The following MAGI1 variants were observed in gnomAD, a reference collection of about 807,000 sequenced individuals.
MAGI1 encodes membrane associated guanylate kinase, WW and PDZ domain containing 1.
A neutral mutation model predicts 139.9 loss-of-function variants in MAGI1; 58 were observed. The ratio of observed to expected loss-of-function variants is 0.41; its 90% CI spans 0.34 to 0.52. The LOEUF (loss-of-function observed/expected upper bound fraction) is 0.52. MAGI1 is among the 20% of genes least tolerant of loss of function. MAGI1 has a pLI of 0.12. For synonymous variants in MAGI1, 812 were observed against 737.9 expected (o/e 1.10, Z -1.63); for missense variants, 1,874 against 1,901.6 (o/e 0.99, Z 0.27).
intron 1 of MAGI1, among the ~76,000 whole-genome samples, chr3:65,798,711 G>T (rs901352827): frequency 4.6e-5 from 7 of 152,086 alleles, no homozygotes; most frequent in African/African-American, 7.2e-5. Context: ...ATTATCCACG[G>T]CTTCGCTTTC....
At chr3:65,874,485 A>T (rs1424143374) in intron 1 of MAGI1, 2 of 152,234 alleles carry the variant, frequency 1.3e-5, no homozygotes, top group Non-Finnish European at 2.9e-5. Context: ...TTTCCACAAG[A>T]TGATGTACAA....
Position 66,038,555 on chromosome 3 carries a change from C to T in MAGI1, c.-247G>A. ...GCGAGCTTTGTTTGCATTCCGGTGC[C>T]TCTGGGTCCACGTTCCGGCGCCCGC... On this transcript the variant is annotated 5_prime_UTR_variant, in exon 1 of 23. Coordinates refer to ENST00000402939, the MANE Select transcript of MAGI1 (RefSeq NM_001033057.2). The T allele has an allele frequency of 8.2e-6, 4 of 485,878 alleles. No individual in the cohort carries two copies. Among genetic ancestry groups the T allele is most frequent in the Non-Finnish European group, 1.0e-5 (3 of 286,252 alleles). The allele number at this position is 485,878 out of a possible 1,614,324, so 30.1% of individuals were successfully genotyped here. A position where few individuals can be genotyped will look rare whatever the true frequency, so the allele number is the denominator to read the frequency against.
intron 4 of MAGI1, among the ~76,000 whole-genome samples, chr3:65,477,711 A>ATTATT (rs376492339): frequency 0.011 from 1,574 of 141,576 alleles, 32 homozygotes; most frequent in African/African-American, 0.039. Context: ...TATTATTATT[A>ATTATT]TTTTTTTTTT....
intron 1 of MAGI1, among the ~76,000 whole-genome samples, chr3:65,728,230 G>A (rs558434855): frequency 9.5e-4 from 145 of 152,264 alleles, no homozygotes; most frequent in African/African-American, 3.4e-3. Flanking sequence ...CAAATGACAG[G>A]AGCAAATGCT....
intron 6 of MAGI1, 145 bp from the exon 7 acceptor site, chr3:65,448,202 T>C (rs1948791951): frequency 1.3e-6 from 1 of 748,000 alleles, no homozygotes; most frequent in Non-Finnish European, 2.3e-6. Context: ...GCTTATTTCA[T>C]TGGCTTGGAT....
At chr3:65,405,391 G>T (rs2107148530) in intron 12 of MAGI1, among the ~76,000 whole-genome samples, 1 of 152,218 alleles carries the variant, frequency 6.6e-6, no homozygotes, top group South Asian at 2.1e-4. Flanking sequence ...TAATTTATAT[G>T]AAAAAAGTAA....
chr3:65,539,434 G>A (rs1006193748), intron 2 of MAGI1, among the ~76,000 whole-genome samples: 5 of 152,290 alleles, frequency 3.3e-5, no homozygotes, highest in African/African-American at 1.2e-4. Context: ...ACACATATCA[G>A]CTACTGTCAA....
chr3:65,945,974 G>T (rs12490637), intron 1 of MAGI1, among the ~76,000 whole-genome samples: 32,809 of 152,066 alleles, frequency 0.22, 4,707 homozygotes, highest in Non-Finnish European at 0.31. Flanking sequence ...TATTAAAATA[G>T]TATTTATTAA....
At chr3:65,579,793 G>C (rs2081333422) in intron 2 of MAGI1, among the ~76,000 whole-genome samples, 1 of 150,602 alleles carries the variant, frequency 6.6e-6, no homozygotes, top group South Asian at 2.1e-4. Flanking sequence ...GTTGCAGTAG[G>C]CGAAGATCAC....
intron 3 of MAGI1, 48 bp from the exon 4 acceptor site, chr3:65,478,846 T>TA (rs1373661754): frequency 2.8e-6 from 4 of 1,417,718 alleles, no homozygotes; most frequent in African/African-American, 3.4e-5. Context: ...GAATACTTTG[T>TA]GTTTTTTTTT....
At chr3:65,725,727 T>C (rs769049429) in intron 1 of MAGI1, among the ~76,000 whole-genome samples, 4 of 152,192 alleles carry the variant, frequency 2.6e-5, no homozygotes, top group Non-Finnish European at 4.4e-5. Flanking sequence ...CTGGAATAAG[T>C]AGCAGCACAT....
rs114125393 is a variant in MAGI1, at chr3:65,933,164, T to C, written c.313+104832A>G. On this transcript the variant is annotated intron_variant, in intron 1 of 22. Coordinates refer to ENST00000402939, the MANE Select transcript of MAGI1 (RefSeq NM_001033057.2). ...CCACTTGAAGACAAAAGCCATATCT[T>C]AGCCTTGGAGTCCAGAGAGAATGCA... Among the ~76,000 whole-genome samples, 808 of 152,346 alleles carry C rather than the reference T, an allele frequency of 5.3e-3. 9 individuals are homozygous for C. Among genetic ancestry groups the C allele is most frequent in the African/African-American group, 0.018 (760 of 41,580 alleles).
intron 1 of MAGI1, among the ~76,000 whole-genome samples, chr3:65,682,566 A>T (rs2087668833): frequency 6.6e-6 from 1 of 152,222 alleles, no homozygotes; most frequent in African/African-American, 2.4e-5. Context: ...GTCAGTTGTG[A>T]CCTTTATCTC....
intron 1 of MAGI1, among the ~76,000 whole-genome samples, chr3:65,694,815 C>T (rs2089003453): frequency 6.6e-6 from 1 of 152,206 alleles, no homozygotes; most frequent in Non-Finnish European, 1.5e-5. Context: ...CAAAGACTTC[C>T]ATAACAAAAT....
chr3:65,566,548 A>G (rs1378341907), intron 2 of MAGI1, among the ~76,000 whole-genome samples: 1 of 152,146 alleles, frequency 6.6e-6, no homozygotes, highest in African/African-American at 2.4e-5. Flanking sequence ...ATCTGGTTCC[A>G]AAGTTAAGGC....
At chr3:66,024,609 C>A (rs2068141691) in intron 1 of MAGI1, among the ~76,000 whole-genome samples, 1 of 152,080 alleles carries the variant, frequency 6.6e-6, no homozygotes, top group Non-Finnish European at 1.5e-5. Context: ...GAGTTCAAGA[C>A]CAGCCTGGCC....
chr3:65,526,783 G>C (rs2078402470), intron 2 of MAGI1, among the ~76,000 whole-genome samples: 1 of 151,870 alleles, frequency 6.6e-6, no homozygotes, highest in African/African-American at 2.4e-5. Context: ...CTGACATTGT[G>C]GGTAACTTGG....
chr3:65,495,026 G>A (rs1952324550), intron 2 of MAGI1, among the ~76,000 whole-genome samples: 1 of 152,176 alleles, frequency 6.6e-6, no homozygotes, highest in African/African-American at 2.4e-5. Flanking sequence ...TTCCTAATTT[G>A]TTCCCGTTTC....
intron 2 of MAGI1, among the ~76,000 whole-genome samples, chr3:65,606,011 T>C (rs563948156): frequency 2.0e-5 from 3 of 151,606 alleles, no homozygotes; most frequent in Admixed American, 1.3e-4. Context: ...TAGCACAGAA[T>C]GTGCATTTCT....
Sources: gnomAD v4.1 joint callset for allele counts (sites outside exome capture counted in the v4.1 genomes callset) on GRCh38, gnomAD v4.1.1 for gene constraint, MANE v1.5 for transcripts, NCBI Gene and HGNC (gene_info 2026-07-23, HGNC 2026-07-21) for gene names.